The following NRXN3 variants were observed in gnomAD, a reference collection of about 807,000 sequenced individuals.
The protein encoded by NRXN3 is neurexin 3.
In NRXN3, 32 loss-of-function variants were observed where a neutral mutation model predicts 137.6. The ratio of observed to expected loss-of-function variants is 0.23; its 90% confidence interval spans 0.18 to 0.31. NRXN3 has a LOEUF of 0.31. Among genes scored for constraint, NRXN3 ranks in the 10% least tolerant of loss-of-function variants. The pLI, the probability that NRXN3 is intolerant of heterozygous loss-of-function variation, is 1.00. For missense variants in NRXN3, 1,574 were observed against 2,062.5 expected (o/e 0.76, Z 4.59); for synonymous variants, 798 against 784.5 (o/e 1.02, Z -0.29).
At position 79,790,896 on chromosome 14, in the gene NRXN3, G is replaced by A. The variant is rs193301028; in HGVS notation, c.4015-14216G>A. On this transcript the variant is annotated intron_variant, in intron 19 of 20. Coordinates refer to ENST00000335750, the MANE Select transcript of NRXN3 (RefSeq NM_001330195.2). ...GGCCTCCCGATCTTGTGATCCACCC[G>A]CCTTGACCTCCCAAAGTGCTGGGAT... Among the ~76,000 whole-genome samples the A allele has an allele frequency of 2.4e-3, 371 of 151,974 alleles. 4 individuals carry two copies. Among genetic ancestry groups the A allele is most frequent in the Non-Finnish European group, 4.0e-3 (270 of 67,968 alleles).
chr14:78,395,318 C>T (rs2091324693), intron 4 of NRXN3, among the ~76,000 whole-genome samples: 2 of 151,766 alleles, frequency 1.3e-5, no homozygotes, highest in Admixed American at 6.6e-5. Context: ...TTAGAAATGT[C>T]TTATTTAATT....
chr14:79,759,217 G>T (rs2099030130), intron 19 of NRXN3, among the ~76,000 whole-genome samples: 1 of 147,750 alleles, frequency 6.8e-6, no homozygotes, highest in African/African-American at 2.7e-5. Flanking sequence ...GTTATAACTG[G>T]GTAGTAAACA....
At chr14:79,393,399 G>A (rs1365928720) in intron 15 of NRXN3, among the ~76,000 whole-genome samples, 1 of 152,154 alleles carries the variant, frequency 6.6e-6, no homozygotes, top group East Asian at 1.9e-4. Flanking sequence ...TAAAGAGATG[G>A]GTGAGATGAA....
intron 8 of NRXN3, among the ~76,000 whole-genome samples, chr14:78,718,296 A>G (rs560986917): frequency 6.6e-6 from 1 of 152,182 alleles, no homozygotes; most frequent in East Asian, 1.9e-4. Context: ...GGGTGAGTCC[A>G]TTGGTATAAC....
intron 10 of NRXN3, among the ~76,000 whole-genome samples, chr14:78,862,485 C>T (rs796558187): frequency 4.6e-5 from 7 of 152,024 alleles, no homozygotes; most frequent in African/African-American, 1.7e-4. Context: ...TTTAGGATTA[C>T]AGAACTTGGA....
At chr14:79,220,296 CTT>C (rs1482876484) in intron 15 of NRXN3, among the ~76,000 whole-genome samples, 1 of 152,092 alleles carries the variant, frequency 6.6e-6, no homozygotes, top group African/African-American at 2.4e-5. Context: ...TTTGAATAGA[CTT>C]TATTTTGTAG....
chr14:78,943,621 A>AAAAT (rs1567777841), intron 10 of NRXN3, among the ~76,000 whole-genome samples: 14 of 27,872 alleles, frequency 5.0e-4, no homozygotes, highest in Non-Finnish European at 7.9e-4. Flanking sequence ...AAAAAAAAAA[A>AAAAT]ATATATATAT....
chr14:79,291,488 T>C (rs1310614983), intron 15 of NRXN3, among the ~76,000 whole-genome samples: 1 of 151,678 alleles, frequency 6.6e-6, no homozygotes, highest in Non-Finnish European at 1.5e-5. Context: ...CTCAAAGTGC[T>C]GGGATTACTG....
intron 8 of NRXN3, among the ~76,000 whole-genome samples, chr14:78,744,097 C>G (rs1353403473): frequency 2.0e-5 from 3 of 152,160 alleles, no homozygotes; most frequent in African/African-American, 7.2e-5. Context: ...CCCAAAGTGA[C>G]TCAGCTGGCA....
At chr14:78,435,172 A>G (rs755592426) in intron 4 of NRXN3, among the ~76,000 whole-genome samples, 8 of 152,164 alleles carry the variant, frequency 5.3e-5, no homozygotes, top group Non-Finnish European at 1.2e-4. Flanking sequence ...TCTCAGCCTT[A>G]ATATCACAGA....
At chr14:78,672,898 A>G (rs1282981892) in intron 6 of NRXN3, among the ~76,000 whole-genome samples, 1 of 152,178 alleles carries the variant, frequency 6.6e-6, no homozygotes, top group Non-Finnish European at 1.5e-5. Context: ...TGAAAATAGT[A>G]TTGAGAATGA....
At chr14:78,224,382 G>A (rs778547921) in intron 1 of NRXN3, among the ~76,000 whole-genome samples, 8 of 151,880 alleles carry the variant, frequency 5.3e-5, no homozygotes, top group South Asian at 2.1e-4. Flanking sequence ...CCATTAACGC[G>A]TCATTTAGCA....
At chr14:78,428,506 A>G (rs964703338) in intron 4 of NRXN3, among the ~76,000 whole-genome samples, 6 of 152,212 alleles carry the variant, frequency 3.9e-5, no homozygotes, top group Non-Finnish European at 8.8e-5. Context: ...ATGTGTATGT[A>G]TAATATGCCT....
At position 79,467,231 on chromosome 14, in the gene NRXN3, G is replaced by A. The variant is rs200652821; in HGVS notation, c.3273G>A (p.Thr1091=). ...TCCTTGCTTTTGCAGCTGGCGCTACGTACATCTTTGGGAAAAGTGGTGGGC... is the reference window on the plus strand; with the variant it reads ...TCCTTGCTTTTGCAGCTGGCGCTACATACATCTTTGGGAAAAGTGGTGGGC... ...SGNQCNDPGA[T]YIFGKSGGLI... Residue 1091 remains threonine, a synonymous_variant, in exon 16 of 21, where the codon ACG becomes ACA. Coordinates refer to ENST00000335750, the MANE Select transcript of NRXN3 (RefSeq NM_001330195.2). 1,575 of 1,600,436 alleles carry A rather than the reference G, an allele frequency of 9.8e-4. 29 individuals carry two copies. The South Asian group carries it at 0.016, about 16-fold the overall frequency.
Position 79,866,392 on chromosome 14 carries a change from G to A in NRXN3, c.*4428G>A, listed in dbSNP as rs936761457. 2 of 152,146 alleles carry A rather than the reference G, an allele frequency of 1.3e-5. No individual in the cohort carries two copies. Among genetic ancestry groups the A allele is most frequent in the African/African-American group, 4.8e-5 (2 of 41,412 alleles). 9.4% of individuals were successfully genotyped at this position (152,146 alleles called of 1,614,324 possible). ...TCAAAAAGTACAAACTAAGTTGGGA[G>A]CTTAGAAGAAATTATGTAAGGGAAG... On this transcript the variant is annotated 3_prime_UTR_variant, in exon 21 of 21. Transcript: ENST00000335750.
chr14:78,440,042 G>T (rs1183961157), intron 4 of NRXN3, among the ~76,000 whole-genome samples: 2 of 152,194 alleles, frequency 1.3e-5, no homozygotes, highest in East Asian at 3.9e-4. Flanking sequence ...CCACTGCCTT[G>T]CCTTAGTATG....
intron 19 of NRXN3, 94 bp downstream of exon 19, chr14:79,698,031 TTAC>T: frequency 8.7e-7 from 1 of 1,150,648 alleles, no homozygotes; most frequent in African/African-American, 1.5e-5. Flanking sequence ...AGAGTTTGAA[TTAC>T]TATGTAAGAA....
intron 15 of NRXN3, among the ~76,000 whole-genome samples, chr14:79,014,423 G>A (rs1320009519): frequency 6.6e-6 from 1 of 152,042 alleles, no homozygotes; most frequent in African/African-American, 2.4e-5. Context: ...TCATGTTGCT[G>A]CAGACATGAT....
At chr14:79,428,612 A>G (rs1160625845) in intron 15 of NRXN3, among the ~76,000 whole-genome samples, 1 of 152,158 alleles carries the variant, frequency 6.6e-6, no homozygotes, top group Non-Finnish European at 1.5e-5. Flanking sequence ...ATATAAGTGT[A>G]ACACTTTTAA....
Sources: gnomAD v4.1 joint callset for allele counts (sites outside exome capture counted in the v4.1 genomes callset) on GRCh38, gnomAD v4.1.1 for gene constraint, MANE v1.5 for transcripts, NCBI Gene and HGNC (gene_info 2026-07-23, HGNC 2026-07-21) for gene names.